Variants in METAP1D observed in about 807,000 individuals in gnomAD.
METAP1D encodes methionyl aminopeptidase type 1D, mitochondrial, also known as methionine aminopeptidase 1D, mitochondrial.
Under a neutral mutation model 40.5 loss-of-function variants are expected in METAP1D, and 31 were observed. The ratio of observed to expected loss-of-function variants is 0.77; its 90% confidence interval spans 0.58 to 1.03. The LOEUF (loss-of-function observed/expected upper bound fraction) is 1.03. METAP1D is among the 50% of genes least tolerant of loss of function. The pLI is 0.00. For synonymous variants in METAP1D, 151 were observed against 146.4 expected, an observed-to-expected ratio of 1.03 and a Z score of -0.22; for missense variants, 411 against 420.7, an observed-to-expected ratio of 0.98 and a Z score of 0.20.
At chr2:172,002,113 C>A (rs993144381) in intron 1 of METAP1D, among the ~76,000 whole-genome samples, 1 of 148,548 alleles carries the variant, frequency 6.7e-6, no homozygotes, top group East Asian at 2.0e-4. Flanking sequence ...TCTGTTTCCT[C>A]TTTTCACAAG....
intron 9 of METAP1D, 28 bp from the exon 10 acceptor site, chr2:172,080,300 G>A (rs779123630): frequency 2.0e-5 from 33 of 1,614,042 alleles, no homozygotes; most frequent in Non-Finnish European, 2.4e-5. Flanking sequence ...TTGCGTGCGC[G>A]TTCTGACGGC....
chr2:172,004,625 G>A (rs1304896795), intron 1 of METAP1D, among the ~76,000 whole-genome samples: 1 of 151,876 alleles, frequency 6.6e-6, no homozygotes, highest in African/African-American at 2.4e-5. Flanking sequence ...ACGCCCAGCC[G>A]CCAAACCAAC....
At position 172,045,791 on chromosome 2, in the gene METAP1D, GTA is replaced by G. The variant is rs1328307477; in HGVS notation, c.41-15701_41-15700del. On this transcript the variant is annotated intron_variant, in intron 1 of 9. Coordinates refer to ENST00000315796, the MANE Select transcript of METAP1D (RefSeq NM_199227.3). Reference sequence around the variant, plus strand: ...TATATGTATATATGTGTATGTATATGTATATATGTGTGTGTGTGTGTGTGTGT... The same window carrying G: ...TATATGTATATATGTGTATGTATATGTATATGTGTGTGTGTGTGTGTGTGT... Among the ~76,000 whole-genome samples the G allele has an allele frequency of 4.0e-3, 191 of 47,342 alleles. 3 individuals are homozygous for G. Among genetic ancestry groups the G allele is most frequent in the African/African-American group, 8.8e-3 (119 of 13,500 alleles). 31.1% of individuals were successfully genotyped at this position (47,342 alleles called of 152,430 possible). A position where few individuals can be genotyped will look rare whatever the true frequency, so the allele number is the denominator to read the frequency against.
chr2:172,062,014 C>A (rs1214973375), intron 2 of METAP1D: 1 of 155,782 alleles, frequency 6.4e-6, no homozygotes. Context: ...AAAGAGATTA[C>A]TTAAAACTAA....
chr2:172,045,699 A>ATATG (rs1355888809), intron 1 of METAP1D, among the ~76,000 whole-genome samples: 1 of 82,218 alleles, frequency 1.2e-5, no homozygotes, highest in African/African-American at 4.6e-5. Flanking sequence ...ATTCATATAT[A>ATATG]TGTGTGTGTG....
intron 5 of METAP1D, among the ~76,000 whole-genome samples, chr2:172,069,933 A>G (rs1047054829): frequency 1.7e-4 from 26 of 152,222 alleles, no homozygotes; most frequent in South Asian, 6.2e-4. Context: ...ACATTAATTC[A>G]GTATCACAAC....
In METAP1D at chr2:172,013,772, T is replaced by C. The variant is rs555607483; in HGVS notation, c.40+13763T>C. ...GGAGACACAGTCTGATGAAGCATTTTTTCCAATTTGTAAATATATTTATAA... is the reference window on the plus strand; with the variant it reads ...GGAGACACAGTCTGATGAAGCATTTCTTCCAATTTGTAAATATATTTATAA... On this transcript the variant is annotated intron_variant, in intron 1 of 9. Transcript: ENST00000315796. 3.5e-4 allele frequency among the ~76,000 whole-genome samples: 53 copies of C among 152,266 alleles called. 1 individual carries two copies. The highest frequency in any genetic ancestry group is 2.8e-3 in the Admixed American group (43 of 15,298).
rs79939303 is a variant in METAP1D, at chr2:172,004,253, G to T, written c.40+4244G>T. Reference sequence around the variant, plus strand: ...TAAGTACTTTAAACTTTTGCCAACTGCCCTGAGATCCTTGCTATCTTGTAT... The same window carrying T: ...TAAGTACTTTAAACTTTTGCCAACTTCCCTGAGATCCTTGCTATCTTGTAT... On this transcript the variant is annotated intron_variant, in intron 1 of 9. Coordinates refer to ENST00000315796, the MANE Select transcript of METAP1D (RefSeq NM_199227.3). 1.9e-3 allele frequency among the ~76,000 whole-genome samples: 290 copies of T among 152,188 alleles called. 2 individuals are homozygous for T. In the East Asian group the frequency reaches 0.021, roughly 11 times the overall value.
At chr2:172,006,096 A>G (rs1251764079) in intron 1 of METAP1D, among the ~76,000 whole-genome samples, 5 of 152,198 alleles carry the variant, frequency 3.3e-5, no homozygotes, top group East Asian at 1.9e-4. Context: ...TAAAATATCA[A>G]TATTTCTGTA....
At chr2:172,065,511 T>C (rs1336728164) in intron 3 of METAP1D, 93 bp from the exon 4 acceptor site, 1 of 1,219,996 alleles carries the variant, frequency 8.2e-7, no homozygotes, top group Admixed American at 2.0e-5. Flanking sequence ...ATTTATACAG[T>C]CTCACATGGA....
intron 1 of METAP1D, among the ~76,000 whole-genome samples, chr2:172,032,977 T>G (rs1379305647): frequency 6.6e-6 from 1 of 152,020 alleles, no homozygotes; most frequent in Non-Finnish European, 1.5e-5. Context: ...GAGAATGGCG[T>G]GAACCCGGGA....
At chr2:172,002,132 G>C (rs756084482) in intron 1 of METAP1D, among the ~76,000 whole-genome samples, 3 of 151,372 alleles carry the variant, frequency 2.0e-5, no homozygotes, top group African/African-American at 7.3e-5. Flanking sequence ...AGAAATCATG[G>C]CTTTTAGACT....
rs141850720 is a variant in METAP1D at position 172,014,095 on chromosome 2, T to G, written c.40+14086T>G. ...GCCTCGGCCTCTGAAAGTGCTGGGA[T>G]TACAGGCGTGAGCCACTGCATCTGG... On this transcript the variant is annotated intron_variant, in intron 1 of 9. Coordinates refer to ENST00000315796, the MANE Select transcript of METAP1D (RefSeq NM_199227.3). Among the ~76,000 whole-genome samples the G allele has an allele frequency of 5.8e-3, 873 of 150,980 alleles. 11 individuals carry two copies. Among genetic ancestry groups the G allele is most frequent in the African/African-American group, 0.019 (761 of 41,062 alleles).
chr2:172,055,166 CT>C (rs1689973887), intron 1 of METAP1D, among the ~76,000 whole-genome samples: 1 of 152,160 alleles, frequency 6.6e-6, no homozygotes, highest in South Asian at 2.1e-4. Context: ...CCCCAAATAG[CT>C]TTACCAAAAC....
chr2:172,048,560 G>A (rs1284972580), intron 1 of METAP1D, among the ~76,000 whole-genome samples: 1 of 152,144 alleles, frequency 6.6e-6, no homozygotes, highest in African/African-American at 2.4e-5. Flanking sequence ...AAATAGGAAG[G>A]CATATCTTTT....
Position 172,071,358 on chromosome 2 carries a change from A to C in METAP1D, c.704+288A>C, listed in dbSNP as rs1013404589. Among the ~76,000 whole-genome samples, 3 of 152,190 alleles carry C rather than the reference A, an allele frequency of 2.0e-5. No individual in the cohort carries two copies. In the South Asian group the frequency reaches 6.2e-4, roughly 32 times the overall value. The stretch of plus-strand genomic sequence containing the variant: ...ACATACTGGTCTATAGTTTCCCTTT[A>C]TTCAAAATCACACCAAATATGGAAG... On this transcript the variant is annotated intron_variant, in intron 6 of 9. Transcript: ENST00000315796.
chr2:172,035,093 T>TA (rs1689339679), intron 1 of METAP1D, among the ~76,000 whole-genome samples: 1 of 151,654 alleles, frequency 6.6e-6, no homozygotes, highest in Non-Finnish European at 1.5e-5. Flanking sequence ...GTAAAAGAAA[T>TA]ATACAATTTA....
chr2:172,020,184 A>T (rs1688972556), intron 1 of METAP1D, among the ~76,000 whole-genome samples: 1 of 152,024 alleles, frequency 6.6e-6, no homozygotes, highest in Non-Finnish European at 1.5e-5. Context: ...ATGGGGTGTC[A>T]CCATGTTGGC....
chr2:172,031,960 G>A lies in METAP1D; in HGVS notation c.41-29538G>A, dbSNP rs529443418. ...CATAGTTTCTGCGTCCTTTCTTGTTGCCCGGCTGGTCAAACATGTGTAACG... is the reference window on the plus strand; with the variant it reads ...CATAGTTTCTGCGTCCTTTCTTGTTACCCGGCTGGTCAAACATGTGTAACG... On this transcript the variant is annotated intron_variant, in intron 1 of 9. Coordinates refer to ENST00000315796, the MANE Select transcript of METAP1D (RefSeq NM_199227.3). Among the ~76,000 whole-genome samples the A allele has an allele frequency of 1.4e-3, 215 of 152,290 alleles. 1 individual carries two copies. The highest frequency in any genetic ancestry group is 6.2e-3 in the South Asian group (30 of 4,828).
Sources: allele counts gnomAD v4.1 joint callset (sites outside exome capture counted in the v4.1 genomes callset), GRCh38; gene constraint gnomAD v4.1.1; transcripts MANE v1.5; gene names NCBI Gene and HGNC (gene_info 2026-07-23, HGNC 2026-07-21).